TEK: variants seen among roughly 807,000 people sequenced by gnomAD.
TEK encodes the protein angiopoietin-1 receptor.
In TEK, 43 loss-of-function variants were observed where a neutral mutation model predicts 131.8. That is an observed-to-expected ratio of 0.33 (90% CI 0.26 to 0.42). TEK has a LOEUF of 0.42. Ranked by LOEUF, TEK falls within the 10% of genes least tolerant of loss-of-function variation. TEK has a pLI of 1.00. For synonymous variants in TEK, 580 were observed against 491.6 expected (o/e 1.18, Z -2.38); for missense variants, 1,162 against 1,384.4 (o/e 0.84, Z 2.55).
chr9:27,142,446 A>G (rs16911092), intron 1 of TEK, among the ~76,000 whole-genome samples: 15,159 of 152,268 alleles, frequency 0.1, 887 homozygotes, highest in African/African-American at 0.14. Context: ...CAAAGTCCTG[A>G]AAGTTGGTGA....
chr9:27,151,187 G>A (rs1489203063), intron 1 of TEK, among the ~76,000 whole-genome samples: 1 of 152,148 alleles, frequency 6.6e-6, no homozygotes, highest in African/African-American at 2.4e-5. Context: ...AGAAGTTATT[G>A]CTCAGAGACT....
At chr9:27,211,148 T>C (rs2131223450) in intron 16 of TEK, among the ~76,000 whole-genome samples, 1 of 148,336 alleles carries the variant, frequency 6.7e-6, no homozygotes, top group African/African-American at 2.4e-5. Flanking sequence ...TATATGAATA[T>C]ATATGTATGA....
At chr9:27,185,308 T>G (rs1224225769) in intron 8 of TEK, among the ~76,000 whole-genome samples, 177 bp from the exon 9 acceptor site, 2 of 152,108 alleles carry the variant, frequency 1.3e-5, no homozygotes, top group African/African-American at 4.8e-5. Context: ...CAAAATAAAC[T>G]TTCAGGGCTA....
intron 1 of TEK, among the ~76,000 whole-genome samples, chr9:27,138,777 T>C (rs1822602878): frequency 6.6e-6 from 1 of 152,168 alleles, no homozygotes; most frequent in South Asian, 2.1e-4. Flanking sequence ...CAACTTTTCG[T>C]ATATGCGTGT....
chr9:27,218,870 G>T (rs934555707), intron 20 of TEK, 53 bp downstream of exon 20: 1 of 1,547,880 alleles, frequency 6.5e-7, no homozygotes, highest in African/African-American at 1.4e-5. Context: ...GTGAGTGGAA[G>T]CCTCTAGCAC....
At chr9:27,198,573 A>G (rs1825108392) in intron 12 of TEK, among the ~76,000 whole-genome samples, 1 of 152,240 alleles carries the variant, frequency 6.6e-6, no homozygotes. Flanking sequence ...CAAGGTGCAG[A>G]ATCATGCTAA....
chr9:27,228,417 G>A (rs1165325421), intron 22 of TEK, 112 bp downstream of exon 22: 7 of 842,226 alleles, frequency 8.3e-6, no homozygotes, highest in Non-Finnish European at 1.4e-5. Flanking sequence ...ATGGCCCTAA[G>A]TATTATAGAA....
chr9:27,135,809 A>G (rs7042003), intron 1 of TEK, among the ~76,000 whole-genome samples: 78,773 of 151,840 alleles, frequency 0.52, 21,417 homozygotes, highest in African/African-American at 0.57. Context: ...ATAGCACTGC[A>G]CAGGCACTTA....
At chr9:27,114,497 G>C (rs1821470683) in intron 1 of TEK, among the ~76,000 whole-genome samples, 1 of 152,110 alleles carries the variant, frequency 6.6e-6, no homozygotes, top group South Asian at 2.1e-4. Context: ...CTTAAACCAG[G>C]GAGGCAGAGG....
rs1345707464 is a variant in TEK at position 27,211,579 on chromosome 9, T to G, written c.2687-1128T>G. 2.0e-5 allele frequency among the ~76,000 whole-genome samples: 3 copies of G among 151,708 alleles called. No individual in the cohort carries two copies. In the East Asian group the frequency reaches 5.8e-4, roughly 29 times the overall value. On this transcript the variant is annotated intron_variant, in intron 16 of 22. Transcript: ENST00000380036. ...AGCAGTCTTCCCACTTCAGCCTAAG[T>G]ACTCCCAAGTAGCTGGGACTACAGG...
At chr9:27,130,733 C>T (rs557565413) in intron 1 of TEK, among the ~76,000 whole-genome samples, 173 of 151,074 alleles carry the variant, frequency 1.1e-3, no homozygotes, top group East Asian at 5.1e-3. Context: ...TGCACCACCA[C>T]GCCTGGCTAA....
intron 7 of TEK, among the ~76,000 whole-genome samples, chr9:27,180,640 A>G (rs1824331483): frequency 6.6e-6 from 1 of 152,260 alleles, no homozygotes; most frequent in East Asian, 1.9e-4. Flanking sequence ...GAGCTCTCCT[A>G]CCTTTTCTGC....
chr9:27,124,211 T>A lies in TEK; in HGVS notation c.52+14569T>A, dbSNP rs184428866. Among the ~76,000 whole-genome samples the A allele has an allele frequency of 9.6e-4, 147 of 152,380 alleles. 1 individual carries two copies. Among genetic ancestry groups the A allele is most frequent in the African/African-American group, 3.4e-3 (142 of 41,588 alleles). ...TAGTTGTTGCCATGTAACAAACTAC[T>A]CCCAAAACTCAGTGGCTAAACCAAC... On this transcript the variant is annotated intron_variant, in intron 1 of 22. Transcript: ENST00000380036.
At chr9:27,145,515 A>C (rs746759966) in intron 1 of TEK, among the ~76,000 whole-genome samples, 1 of 152,206 alleles carries the variant, frequency 6.6e-6, no homozygotes, top group Non-Finnish European at 1.5e-5. Context: ...GTGCCATGAT[A>C]ATACCAATAG....
At chr9:27,217,807 A>T in intron 19 of TEK, 49 bp downstream of exon 19, 2 of 1,525,684 alleles carry the variant, frequency 1.3e-6, no homozygotes, top group Non-Finnish European at 1.8e-6. Context: ...TCCCAGAAAC[A>T]TATACATTTG....
intron 1 of TEK, among the ~76,000 whole-genome samples, chr9:27,156,173 G>T (rs1448936828): frequency 6.6e-6 from 1 of 152,068 alleles, no homozygotes; most frequent in Non-Finnish European, 1.5e-5. Flanking sequence ...CAGTCAGGCA[G>T]ATCTGAAATA....
chr9:27,228,066 T>C (rs974041947), intron 21 of TEK, 140 bp from the exon 22 acceptor site: 26 of 625,902 alleles, frequency 4.2e-5, no homozygotes, highest in Admixed American at 1.1e-4. Context: ...GGAGTCCTCA[T>C]AGAAACTTCC....
chr9:27,190,437 G>A, intron 9 of TEK, 92 bp from the exon 10 acceptor site: 1 of 1,492,842 alleles, frequency 6.7e-7, no homozygotes, highest in East Asian at 2.3e-5. Context: ...GGACTTTGTT[G>A]GACATGTAAA....
chr9:27,109,474 G>A lies in TEK; in HGVS notation c.-117G>A. 1 of 1,052,484 alleles carries A rather than the reference G, an allele frequency of 9.5e-7. No individual in the cohort carries two copies. Among genetic ancestry groups the A allele is most frequent in the Non-Finnish European group, 1.5e-6 (1 of 669,482 alleles). 65.2% of individuals were successfully genotyped at this position (1,052,484 alleles called of 1,614,324 possible). On this transcript the variant is annotated 5_prime_UTR_variant, in exon 1 of 23. Transcript: ENST00000380036. Reference sequence around the variant, plus strand: ...TGCTGTTCCTTCTTGCCTCTAACTTGTAAACAAGACGTAGTAGGACGATGC... The same window carrying A: ...TGCTGTTCCTTCTTGCCTCTAACTTATAAACAAGACGTAGTAGGACGATGC...
Sources: gnomAD v4.1 joint callset for allele counts (sites outside exome capture counted in the v4.1 genomes callset) on GRCh38, gnomAD v4.1.1 for gene constraint, MANE v1.5 for transcripts, NCBI Gene and HGNC (gene_info 2026-07-23, HGNC 2026-07-21) for gene names.